LDLRAD4: variants seen among roughly 807,000 people sequenced by gnomAD.
LDLRAD4 encodes low-density lipoprotein receptor class A domain-containing protein 4.
A neutral mutation model predicts 17.0 loss-of-function variants in LDLRAD4; 5 were observed. That is an observed-to-expected ratio of 0.29 (90% CI 0.15 to 0.62). The LOEUF (loss-of-function observed/expected upper bound fraction) is 0.62. LDLRAD4 is among the 20% of genes least tolerant of loss of function. The probability of loss-of-function intolerance (pLI) is 0.84; values close to 1 mark genes in which losing one functional copy is unlikely to be tolerated. For synonymous variants in LDLRAD4, 168 were observed against 171.8 expected (o/e 0.98, Z 0.17); for missense variants, 340 against 424.7 (o/e 0.80, Z 1.75).
exon 6 of LDLRAD4, chr18:13,648,276 A>T (rs545765217): frequency 2.6e-5 from 4 of 152,258 alleles, no homozygotes; most frequent in African/African-American, 9.6e-5. Context: ...AGATAATTAC[A>T]TAATTCAGAT....
At chr18:13,289,806 G>A (rs1599152870) in intron 1 of LDLRAD4, among the ~76,000 whole-genome samples, 1 of 152,188 alleles carries the variant, frequency 6.6e-6, no homozygotes, top group African/African-American at 2.4e-5. Context: ...TTGGGTGCTC[G>A]AGCTTCTAGA....
intron 4 of LDLRAD4, among the ~76,000 whole-genome samples, chr18:13,638,442 G>A (rs768518475): frequency 7.2e-5 from 11 of 152,090 alleles, no homozygotes; most frequent in Non-Finnish European, 1.3e-4. Context: ...GATAATTCTT[G>A]TTACCTTTTT....
intron 3 of LDLRAD4, among the ~76,000 whole-genome samples, chr18:13,466,909 G>A (rs7231584): frequency 0.32 from 49,378 of 151,968 alleles, 9,466 homozygotes; most frequent in Non-Finnish European, 0.43. Flanking sequence ...TGAGGGCTCC[G>A]CCCTCATGAC....
chr18:13,478,810 A>T (rs2093012067), intron 3 of LDLRAD4, among the ~76,000 whole-genome samples: 1 of 152,224 alleles, frequency 6.6e-6, no homozygotes, highest in Non-Finnish European at 1.5e-5. Flanking sequence ...GACTGCCTGG[A>T]GTAGCCAACA....
At chr18:13,650,979 T>TA (rs918743723) in exon 6 of LDLRAD4, 29 of 152,254 alleles carry the variant, frequency 1.9e-4, no homozygotes, top group African/African-American at 7.0e-4. Context: ...AAATACTTTT[T>TA]AAAAAATCCC....
chr18:13,391,978 G>A (rs2086308780), intron 2 of LDLRAD4, among the ~76,000 whole-genome samples: 1 of 152,184 alleles, frequency 6.6e-6, no homozygotes, highest in East Asian at 1.9e-4. Context: ...TATGAATAAC[G>A]CTTTGATGAA....
At chr18:13,438,804 A>G (rs1232976626) in intron 3 of LDLRAD4, among the ~76,000 whole-genome samples, 2 of 152,224 alleles carry the variant, frequency 1.3e-5, no homozygotes, top group Non-Finnish European at 2.9e-5. Flanking sequence ...GGTTCTGATC[A>G]TGTGTTTTTC....
At chr18:13,439,965 G>C (rs187682738) in intron 3 of LDLRAD4, among the ~76,000 whole-genome samples, 192 of 152,332 alleles carry the variant, frequency 1.3e-3, no homozygotes, top group African/African-American at 4.4e-3. Flanking sequence ...CCAGCACTTA[G>C]AGCAGCATAT....
chr18:13,590,336 T>C (rs1347181127), intron 3 of LDLRAD4, among the ~76,000 whole-genome samples: 1 of 118,754 alleles, frequency 8.4e-6, no homozygotes, highest in Non-Finnish European at 1.8e-5. Flanking sequence ...ATGTGGGGGG[T>C]AAGTGTGTGT....
At chr18:13,346,241 CT>C (rs1478408697) in intron 1 of LDLRAD4, among the ~76,000 whole-genome samples, 4 of 152,140 alleles carry the variant, frequency 2.6e-5, no homozygotes, top group African/African-American at 9.7e-5. Flanking sequence ...CCTCTACACA[CT>C]GCTTTGAATG....
chr18:13,245,698 G>A (rs2145749120), intron 1 of LDLRAD4, among the ~76,000 whole-genome samples: 1 of 152,324 alleles, frequency 6.6e-6, no homozygotes, highest in South Asian at 2.1e-4. Flanking sequence ...TGCTTCAAGG[G>A]GGCAGAGGCA....
chr18:13,274,448 AG>A (rs1310420901), upstream of LDLRAD4, among the ~76,000 whole-genome samples: 3 of 152,218 alleles, frequency 2.0e-5, no homozygotes, highest in Non-Finnish European at 2.9e-5. Context: ...GCTGAAAGGA[AG>A]AGGTGAATTT....
intron 3 of LDLRAD4, among the ~76,000 whole-genome samples, chr18:13,480,888 C>T (rs1474003655): frequency 1.3e-5 from 2 of 152,200 alleles, no homozygotes; most frequent in Admixed American, 6.5e-5. Flanking sequence ...CAGTGAAAAC[C>T]CACGTCCTGG....
In LDLRAD4 at chr18:13,262,501, A is replaced by G. The variant is rs1340292202; in HGVS notation, c.-466-15604A>G. 3.1e-3 allele frequency among the ~76,000 whole-genome samples: 127 copies of G among 41,636 alleles called. 1 individual carries two copies. Among genetic ancestry groups the G allele is most frequent in the Middle Eastern group, 0.019 (1 of 54 alleles). The allele number at this position is 41,636 out of a possible 152,430, so 27.3% of individuals were successfully genotyped here. ...AGTCCCGTGCGGCCCTGTGCGTGGAAACTGAGTCCCGTGCGGCCCTGTGCG... is the reference window on the plus strand; with the variant it reads ...AGTCCCGTGCGGCCCTGTGCGTGGAGACTGAGTCCCGTGCGGCCCTGTGCG... On this transcript the variant is annotated intron_variant, in intron 1 of 5. Transcript: ENST00000399848.
intron 1 of LDLRAD4, among the ~76,000 whole-genome samples, chr18:13,361,498 C>T (rs2083668508): frequency 6.6e-6 from 1 of 152,194 alleles, no homozygotes; most frequent in Non-Finnish European, 1.5e-5. Flanking sequence ...CAGTACAGTT[C>T]TCCAGAAGGG....
intron 2 of LDLRAD4, among the ~76,000 whole-genome samples, chr18:13,396,796 T>C (rs1475642743): frequency 6.6e-6 from 1 of 152,224 alleles, no homozygotes; most frequent in Non-Finnish European, 1.5e-5. Context: ...TTTTTATTGT[T>C]TTATTGTTAT....
chr18:13,266,144 G>GTA (rs1228627611), intron 1 of LDLRAD4, among the ~76,000 whole-genome samples: 3 of 152,184 alleles, frequency 2.0e-5, no homozygotes, highest in Non-Finnish European at 2.9e-5. Flanking sequence ...CGGTTGTTCT[G>GTA]TAGTTTGGAC....
chr18:13,551,226 G>A (rs1341898290), intron 3 of LDLRAD4, among the ~76,000 whole-genome samples: 1 of 152,192 alleles, frequency 6.6e-6, no homozygotes, highest in African/African-American at 2.4e-5. Context: ...CAATGTGGGG[G>A]CCTTTCCGAC....
chr18:13,549,950 C>G (rs987934134), intron 3 of LDLRAD4, among the ~76,000 whole-genome samples: 6 of 152,166 alleles, frequency 3.9e-5, no homozygotes, highest in Non-Finnish European at 5.9e-5. Context: ...TGCATTTCTT[C>G]TGTATAATGG....
Sources: allele counts gnomAD v4.1 joint callset (sites outside exome capture counted in the v4.1 genomes callset), GRCh38; gene constraint gnomAD v4.1.1; transcripts MANE v1.5; gene names NCBI Gene and HGNC (gene_info 2026-07-23, HGNC 2026-07-21).